The following CEP295 variants were observed in gnomAD, a reference collection of about 807,000 sequenced individuals.
The protein encoded by CEP295 is centrosomal protein of 295 kDa.
Under a neutral mutation model 291.6 loss-of-function variants are expected in CEP295, and 190 were observed. That is an observed-to-expected ratio of 0.65 (90% CI 0.58 to 0.73). The LOEUF is 0.73. Ranked by LOEUF, CEP295 falls within the 30% of genes least tolerant of loss-of-function variation. The probability of loss-of-function intolerance (pLI) is 0.00; values close to 1 mark genes in which losing one functional copy is unlikely to be tolerated. For synonymous variants in CEP295, 993 were observed against 1,038.8 expected (o/e 0.96, Z 0.85); for missense variants, 2,863 against 2,949.4 (o/e 0.97, Z 0.68).
At position 93,730,101 on chromosome 11, in the gene CEP295, C is replaced by G. The variant is rs1048439804; in HGVS notation, c.7720C>G (p.Gln2574Glu). 5.2e-6 allele frequency: 8 copies of G among 1,549,678 alleles called. No individual in the cohort carries two copies. In the East Asian group the frequency reaches 1.5e-4, roughly 28 times the overall value. ...ACAACAAAAGGAAGAAAAAACAAAA[C>G]AAGAAGCTTATGCCCAAAACAGAGC... is the stretch of plus-strand genomic sequence containing the variant. ...VKQQKEEKTK[Q>E]EAYAQNRARA... Residue 2574 changes from glutamine to glutamate, a missense_variant, in exon 29 of 30, where the codon CAA (glutamine) becomes GAA (glutamate). This residue lies in a region of CEP295 where 2,295 missense variants were observed against 2,335.7 expected (regional missense o/e 0.98). Transcript: ENST00000325212.
In CEP295 at chr11:93,727,282, A is replaced by G; in HGVS notation, c.6806A>G (p.Lys2269Arg). 1 of 1,551,744 alleles carries G rather than the reference A, an allele frequency of 6.4e-7. No homozygotes were observed. The highest frequency in any genetic ancestry group is 8.7e-7 in the Non-Finnish European group (1 of 1,146,962). Residue 2269 changes from lysine (K) to arginine (R), a missense_variant, in exon 24 of 30, where the codon AAA (lysine) becomes AGA (arginine). Lys to Arg is a conservative substitution (Grantham distance 26). Coordinates refer to ENST00000325212, the MANE Select transcript of CEP295 (RefSeq NM_033395.2). ...CGSNSSECST[K>R]HQLESRKESM... ...TCTAACTCTAGTGAGTGCTCAACAA[A>G]ACACCAACTAGAAAGCAGAAAGGAA...
At chr11:93,677,574 A>G (rs1014510371) in intron 6 of CEP295, among the ~76,000 whole-genome samples, 2 of 152,170 alleles carry the variant, frequency 1.3e-5, no homozygotes, top group African/African-American at 4.8e-5. Context: ...TAAAAGTCCT[A>G]CATTACATAT....
intron 6 of CEP295, among the ~76,000 whole-genome samples, chr11:93,677,754 T>A (rs1369835806): frequency 6.6e-6 from 1 of 152,182 alleles, no homozygotes; most frequent in African/African-American, 2.4e-5. Context: ...ATCATCAATT[T>A]TCCATGCTCT....
At position 93,730,131 on chromosome 11, in the gene CEP295, G is replaced by A; in HGVS notation, c.7750G>A (p.Ala2584Thr). 1.3e-6 allele frequency: 2 copies of A among 1,550,990 alleles called. No homozygotes were observed. Among genetic ancestry groups the A allele is most frequent in the Non-Finnish European group, 1.7e-6 (2 of 1,146,816 alleles). Residue 2584 changes from alanine (A) to threonine (T), a missense_variant, in exon 29 of 30, where the codon GCA becomes ACA. By Grantham distance (58) the Ala-to-Thr change is moderately conservative. Around this residue, in one of 3 missense-constraint regions of CEP295, gnomAD observed 2,295 missense variants for 2,335.7 expected, o/e 0.98. Transcript: ENST00000325212. ...AGCTTATGCCCAAAACAGAGCAAGG[G>A]CAAAAGAATTCCATAAGGTGAGTAT... ...QEAYAQNRAR[A>T]KEFHKKTLEK...
rs767481171 is a variant in CEP295, at chr11:93,727,020, CAGG to C, written c.6550_6552del (p.Glu2184del). 1.4e-5 allele frequency: 22 copies of C among 1,546,212 alleles called. No individual in the cohort carries two copies. The highest frequency in any genetic ancestry group is 5.5e-5 in the African/African-American group (4 of 72,584). On this transcript the variant is annotated inframe_deletion, in exon 24 of 30. Transcript: ENST00000325212. ...ACAGCTTCAGCCAGAATATTCTTCACAGGAGGAGAGCCAGCATGCTGATCTACC... is the reference window on the plus strand; with the variant it reads ...ACAGCTTCAGCCAGAATATTCTTCACAGGAGAGCCAGCATGCTGATCTACC...
intron 22 of CEP295, 45 bp from the exon 23 acceptor site, chr11:93,725,606 A>G (rs886896848): frequency 4.2e-6 from 6 of 1,426,446 alleles, no homozygotes; most frequent in Non-Finnish European, 5.6e-6. Flanking sequence ...TTCAATTGTT[A>G]ATACCTAATC....
At position 93,700,046 on chromosome 11, in the gene CEP295, A is replaced by G; in HGVS notation, c.5134A>G (p.Lys1712Glu). Residue 1712 changes from lysine (K) to glutamate (E), a missense_variant, in exon 15 of 30, where the codon AAA becomes GAA. Lys to Glu is a moderately conservative substitution (Grantham distance 56, BLOSUM62 1). Transcript: ENST00000325212. ...LTQQDNLGLQ[K>E]QLDLQREVLH... is the part of the protein sequence containing the mutation. ...TCAGCAAGATAACTTGGGACTTCAG[A>G]AACAGTTGGATCTACAAAGAGAAGT... 1.3e-6 allele frequency: 2 copies of G among 1,551,880 alleles called. No homozygotes were observed. The highest frequency in any genetic ancestry group is 2.4e-5 in the South Asian group (2 of 84,062).
intron 6 of CEP295, among the ~76,000 whole-genome samples, chr11:93,676,390 A>G (rs762566754): frequency 2.1e-4 from 32 of 151,978 alleles, no homozygotes; most frequent in Non-Finnish European, 4.0e-4. Flanking sequence ...TGTTATTATA[A>G]TTGCTATTTC....
At chr11:93,676,398 T>C (rs1950692081) in intron 6 of CEP295, among the ~76,000 whole-genome samples, 1 of 152,040 alleles carries the variant, frequency 6.6e-6, no homozygotes. Flanking sequence ...TAATTGCTAT[T>C]TCTCTGTGTC....
intron 9 of CEP295, among the ~76,000 whole-genome samples, chr11:93,684,870 T>C (rs968448187): frequency 1.3e-5 from 2 of 152,178 alleles, no homozygotes; most frequent in Admixed American, 1.3e-4. Context: ...CATAGACTTG[T>C]CAGATCATCA....
At chr11:93,686,992 T>C (rs1951275473) in intron 9 of CEP295, among the ~76,000 whole-genome samples, 1 of 152,226 alleles carries the variant, frequency 6.6e-6, no homozygotes, top group Admixed American at 6.5e-5. Flanking sequence ...ATCACACTTT[T>C]GTCCTCTTAG....
At chr11:93,681,403 A>ATTTTTTTTTTTTTTTTT (rs71064773) in intron 7 of CEP295, among the ~76,000 whole-genome samples, 1 of 36,528 alleles carries the variant, frequency 2.7e-5, no homozygotes, top group Non-Finnish European at 4.4e-5. Flanking sequence ...CACCCAGCTA[A>ATTTTTTTTTTTTTTTTT]TTTTTTTTTT....
chr11:93,673,831 T>G (rs891761933), intron 5 of CEP295, among the ~76,000 whole-genome samples: 1 of 152,098 alleles, frequency 6.6e-6, no homozygotes, highest in South Asian at 2.1e-4. Flanking sequence ...CTCTGTTCCA[T>G]GGATTCTGAT....
chr11:93,706,350 C>G (rs1447256161), intron 17 of CEP295, among the ~76,000 whole-genome samples: 1 of 152,158 alleles, frequency 6.6e-6, no homozygotes, highest in Admixed American at 6.5e-5. Flanking sequence ...CATTAGAGAA[C>G]CCAGTAAACA....
At chr11:93,689,090 C>T (rs1951388015) in intron 10 of CEP295, among the ~76,000 whole-genome samples, 1 of 152,226 alleles carries the variant, frequency 6.6e-6, no homozygotes, top group South Asian at 2.1e-4. Flanking sequence ...TTTCCACCTA[C>T]ATCCTAGCTT....
Position 93,728,782 on chromosome 11 carries a change from A to G in CEP295, c.7263A>G (p.Leu2421=), listed in dbSNP as rs1937794480. 6.5e-7 allele frequency: 1 copy of G among 1,549,332 alleles called. No individual in the cohort carries two copies. Among genetic ancestry groups the G allele is most frequent in the Non-Finnish European group, 8.7e-7 (1 of 1,146,358 alleles). ...IAEMDFANLT[L]EEKSENEAKC... ...AAATGGATTTTGCAAATTTAACCCT[A>G]GAAGAGAAGAGCGAGAATGAAGCAA... is the stretch of plus-strand genomic sequence containing the variant. Residue 2421 remains leucine (L), a synonymous_variant, in exon 25 of 30, where the codon CTA becomes CTG. Transcript: ENST00000325212.
At chr11:93,665,779 C>T (rs375137427) in intron 1 of CEP295, among the ~76,000 whole-genome samples, 7 of 152,308 alleles carry the variant, frequency 4.6e-5, no homozygotes, top group South Asian at 2.1e-4. Flanking sequence ...ATAAAAATTA[C>T]GTCACTATAA....
At position 93,698,656 on chromosome 11, in the gene CEP295, AC is replaced by A. The variant is rs1951972496; in HGVS notation, c.3745del (p.His1249IlefsTer16). The A allele has an allele frequency of 6.4e-7, 1 of 1,550,806 alleles. No individual in the cohort carries two copies. On this transcript the variant is annotated frameshift_variant, in exon 15 of 30. Coordinates refer to ENST00000325212, the MANE Select transcript of CEP295 (RefSeq NM_033395.2). LOFTEE classifies it high-confidence loss of function. Reference sequence around the variant, plus strand: ...AGGAAAGACTTTTGAGAGTTTCACAACATATGCTACCTCTACAAGATAATTT... The same window carrying A: ...AGGAAAGACTTTTGAGAGTTTCACAAATATGCTACCTCTACAAGATAATTT... ...CQERLLRVSQHMLPLQDNLEE... is the reference protein window; with the variant it reads ...CQERLLRVSQXMLPLQDNLEE...
intron 12 of CEP295, among the ~76,000 whole-genome samples, chr11:93,693,060 G>A (rs1295468696): frequency 6.0e-5 from 9 of 150,458 alleles, no homozygotes; most frequent in Non-Finnish European, 1.3e-4. Context: ...GGTGGATCAC[G>A]AGGTCAGGAG....
Sources: gnomAD v4.1 joint callset for allele counts (sites outside exome capture counted in the v4.1 genomes callset) on GRCh38, gnomAD v4.1.1 for gene constraint, gnomAD v4.1.1 regional missense constraint, MANE v1.5 for transcripts, NCBI Gene and HGNC (gene_info 2026-07-23, HGNC 2026-07-21) for gene names.